Variants in SCRN2 observed in about 807,000 individuals in gnomAD.
SCRN2 encodes secernin 2, also known as secernin-2.
Under a neutral mutation model 40.1 loss-of-function variants are expected in SCRN2, and 30 were observed. That is an observed-to-expected ratio of 0.75 (90% CI 0.56 to 1.01). The LOEUF (loss-of-function observed/expected upper bound fraction) is 1.01. Among genes scored for constraint, SCRN2 ranks in the 50% least tolerant of loss-of-function variants. The probability of loss-of-function intolerance (pLI) is 0.00; values close to 1 mark genes in which losing one functional copy is unlikely to be tolerated. For missense variants in SCRN2, 526 were observed against 564.9 expected (o/e 0.93, Z 0.70); for synonymous variants, 240 against 233.5 (o/e 1.03, Z -0.25).
chr17:47,839,614 TG>T lies in SCRN2; in HGVS notation c.385del (p.Gln129ArgfsTer6). 1 of 1,614,054 alleles carries T rather than the reference TG, an allele frequency of 6.2e-7. No homozygotes were observed. The highest frequency in any genetic ancestry group is 8.5e-7 in the Non-Finnish European group (1 of 1,180,028). ...CCCTGTGATCACATGCAAGGCCTCCTGGGCAGAGCTGCTCCGTTCCAAAGCC... is the reference window on the plus strand; with the variant it reads ...CCCTGTGATCACATGCAAGGCCTCCTGGCAGAGCTGCTCCGTTCCAAAGCC... ...RLALERSSSA[Q>X]EALHVITGLL... is the part of the protein sequence containing the mutation. On this transcript the variant is annotated frameshift_variant, in exon 4 of 8. Transcript: ENST00000290216. LOFTEE classifies it high-confidence loss of function.
intron 2 of SCRN2, 111 bp downstream of exon 2, chr17:47,840,559 T>C: frequency 7.5e-7 from 1 of 1,325,682 alleles, no homozygotes; most frequent in African/African-American, 1.5e-5. Context: ...CTAAAGCTCA[T>C]GCTCTTCCAC....
rs750662245 is a variant in SCRN2, at chr17:47,840,331, A to G, written c.216T>C (p.Ala72=). The change falls in exon 3 of 8, where the codon GCT becomes GCC. Residue 72 remains alanine (A), a synonymous_variant. Transcript: ENST00000290216. The part of the protein sequence containing the change: ...IEVEQVSKTH[A]VILSRPSWLW... ...GCCAAGAAGGACGGCTCAGAATCAC[A>G]GCGTGCGTCTTCGACACCTGTTCCA... The G allele has an allele frequency of 6.2e-7, 1 of 1,614,184 alleles. No homozygotes were observed. The highest frequency in any genetic ancestry group is 2.2e-5 in the East Asian group (1 of 44,896).
intron 1 of SCRN2, 165 bp from the exon 2 acceptor site, chr17:47,841,008 TC>T: frequency 1.8e-6 from 1 of 551,326 alleles, no homozygotes; most frequent in Non-Finnish European, 2.8e-6. Context: ...GCCCACCCTC[TC>T]CCCAGGCTCC....
chr17:47,840,597 G>A, intron 2 of SCRN2, 73 bp downstream of exon 2: 2 of 1,462,758 alleles, frequency 1.4e-6, no homozygotes, highest in Non-Finnish European at 1.8e-6. Flanking sequence ...CAGGTGTGGG[G>A]AGCAGGGAAG....
intron 1 of SCRN2, 111 bp downstream of exon 1, chr17:47,841,097 G>A (rs567179396): frequency 1.0e-5 from 4 of 383,370 alleles, no homozygotes; most frequent in Admixed American, 4.3e-5. Context: ...GCAGTCGTGG[G>A]ACCGTCCCCC....
rs934400867 is a variant in SCRN2 at position 47,837,908 on chromosome 17, G to T, written c.1214C>A (p.Pro405His). The change falls in exon 8 of 8, where the codon CCC (proline) becomes CAC (histidine). Residue 405 changes from proline (P) to histidine (H), a missense_variant. Transcript: ENST00000290216. Reference sequence around the variant, plus strand: ...GAAGAGGCTGCCCAGCTCCCAGAGGGGTGGGGCCCACTCGCCGGCCAGCAG... The same window carrying T: ...GAAGAGGCTGCCCAGCTCCCAGAGGTGTGGGGCCCACTCGCCGGCCAGCAG... ...QGLLAGEWAP[P>H]LWELGSLFQA... 1.2e-6 allele frequency: 2 copies of T among 1,605,036 alleles called. No individual in the cohort carries two copies. The highest frequency in any genetic ancestry group is 2.2e-5 in the East Asian group (1 of 44,800).
chr17:47,838,191 C>T (rs1326979882), intron 7 of SCRN2, 79 bp downstream of exon 7: 7 of 1,557,518 alleles, frequency 4.5e-6, no homozygotes, highest in Admixed American at 2.2e-5. Context: ...TCCCTAGTTC[C>T]TTCATATTTC....
intron 2 of SCRN2, 116 bp downstream of exon 2, chr17:47,840,554 G>T (rs2033800020): frequency 3.8e-6 from 5 of 1,311,380 alleles, no homozygotes; most frequent in Non-Finnish European, 5.2e-6. Context: ...TAGACCTAAA[G>T]CTCATGCTCT....
chr17:47,838,420 C>T lies in SCRN2; in HGVS notation c.969G>A (p.Met323Ile), dbSNP rs376597524. The T allele has an allele frequency of 1.2e-6, 2 of 1,611,996 alleles. No individual in the cohort carries two copies. Among genetic ancestry groups the T allele is most frequent in the East Asian group, 2.2e-5 (1 of 44,872 alleles). ...GCACCTGGGGGGCCTGGGCCACCCCCATCCCGAAGATGAAAGGTTTGAACA... is the reference window on the plus strand; with the variant it reads ...GCACCTGGGGGGCCTGGGCCACCCCTATCCCGAAGATGAAAGGTTTGAACA... ...RSVFKPFIFGMGVAQAPQVLS... is the reference protein window; with the variant it reads ...RSVFKPFIFGIGVAQAPQVLS... The change falls in exon 7 of 8, where the codon ATG becomes ATA. Residue 323 changes from methionine to isoleucine, a missense_variant. By Grantham distance (10) the Met-to-Ile change is conservative. Transcript: ENST00000290216.
At chr17:47,838,757 T>G (rs1276674222) in intron 5 of SCRN2, 34 bp downstream of exon 5, 1 of 1,610,696 alleles carries the variant, frequency 6.2e-7, no homozygotes, top group East Asian at 2.2e-5. Context: ...GCTGTGGCCC[T>G]CCTGGCCCCC....
Position 47,838,255 on chromosome 17 carries a change from C to T in SCRN2, c.1119+15G>A. On this transcript the variant is annotated intron_variant, in intron 7 of 7. Coordinates refer to ENST00000290216, the MANE Select transcript of SCRN2 (RefSeq NM_138355.4). The stretch of plus-strand genomic sequence containing the variant: ...TATCATCCCCTCAAGGTAGCCCCTA[C>T]TCCCTGGGGGATACCTGATCTCTCT... The T allele has an allele frequency of 1.3e-6, 2 of 1,581,840 alleles. No homozygotes were observed. Among genetic ancestry groups the T allele is most frequent in the Non-Finnish European group, 1.7e-6 (2 of 1,168,734 alleles).
In SCRN2 at chr17:47,837,838, T is replaced by C. The variant is rs1387103841; in HGVS notation, c.*6A>G. On this transcript the variant is annotated 3_prime_UTR_variant, in exon 8 of 8. Transcript: ENST00000290216. ...GTCCACCCCAGGCCAGCAGAAGCTA[T>C]GAAGCTTACGCATAAGCCTGGCTCT... 6.3e-7 allele frequency: 1 copy of C among 1,594,230 alleles called. No individual in the cohort carries two copies. The highest frequency in any genetic ancestry group is 1.1e-5 in the South Asian group (1 of 90,344).
chr17:47,840,565 TC>T lies in SCRN2; in HGVS notation c.174+104del, dbSNP rs1378760411. On this transcript the variant is annotated intron_variant, in intron 2 of 7. Coordinates refer to ENST00000290216, the MANE Select transcript of SCRN2 (RefSeq NM_138355.4). The stretch of plus-strand genomic sequence containing the variant: ...TTGGTAGACCTAAAGCTCATGCTCT[TC>T]CACTACTTCTGGCAGCCTCCCAGGT... 2.2e-6 allele frequency: 3 copies of T among 1,343,774 alleles called. No individual in the cohort carries two copies. The African/African-American group carries it at 4.4e-5, about 20-fold the overall frequency. 83.2% of individuals were successfully genotyped at this position (1,343,774 alleles called of 1,614,324 possible).
chr17:47,837,871 C>T lies in SCRN2; in HGVS notation c.1251G>A (p.Val417=), dbSNP rs2033721741. The T allele has an allele frequency of 6.2e-7, 1 of 1,601,918 alleles. No homozygotes were observed. Among genetic ancestry groups the T allele is most frequent in the African/African-American group, 1.3e-5 (1 of 74,962 alleles). The change falls in exon 8 of 8, where the codon GTG becomes GTA. Residue 417 remains valine, a synonymous_variant. Coordinates refer to ENST00000290216, the MANE Select transcript of SCRN2 (RefSeq NM_138355.4). ...WELGSLFQAF[V]KRESQAYA is the part of the protein sequence containing the mutation. The stretch of plus-strand genomic sequence containing the variant: ...ACGCATAAGCCTGGCTCTCCCTCTT[C>T]ACGAAGGCCTGGAAGAGGCTGCCCA...
chr17:47,839,466 G>T lies in SCRN2; in HGVS notation c.534C>A (p.Leu178=). 1 of 1,613,042 alleles carries T rather than the reference G, an allele frequency of 6.2e-7. No individual in the cohort carries two copies. The highest frequency in any genetic ancestry group is 8.5e-7 in the Non-Finnish European group (1 of 1,180,026). Residue 178 remains leucine (L), a synonymous_variant, in exon 4 of 8, where the codon CTC becomes CTA. Transcript: ENST00000290216. ...EAWVLETAGR[L]WAAQRIQEGA... ...CACCCTGGATCCTCTGTGCAGCCCAGAGCCTCCCAGCTGTCTCCAGCACCC... is the reference window on the plus strand; with the variant it reads ...CACCCTGGATCCTCTGTGCAGCCCATAGCCTCCCAGCTGTCTCCAGCACCC...
chr17:47,837,982 C>T lies in SCRN2; in HGVS notation c.1140G>A (p.Gln380=), dbSNP rs1409647982. The T allele has an allele frequency of 7.5e-6, 12 of 1,607,146 alleles. No individual in the cohort carries two copies. The highest frequency in any genetic ancestry group is 1.7e-5 in the Admixed American group (1 of 59,674). The change falls in exon 8 of 8, where the codon CAG becomes CAA. Residue 380 remains glutamine (Q), a synonymous_variant. Transcript: ENST00000290216. ...ERDQDRGQQL[Q]QKQQDLEQEG... The stretch of plus-strand genomic sequence containing the variant: ...CCTGCTCCAGATCCTGCTGTTTCTG[C>T]TGGAGCTGCTGCCCCCGATCCTGCC...
At position 47,838,172 on chromosome 17, in the gene SCRN2, C is replaced by A. The variant is rs1382475443; in HGVS notation, c.1119+98G>T. The A allele has an allele frequency of 2.6e-6, 4 of 1,537,932 alleles. No homozygotes were observed. In the African/African-American group the frequency reaches 4.2e-5, roughly 16 times the overall value. On this transcript the variant is annotated intron_variant, in intron 7 of 7. Coordinates refer to ENST00000290216, the MANE Select transcript of SCRN2 (RefSeq NM_138355.4). ...GAACTCCTCTCCCCAGCTCTGAAAT[C>A]TCTTCCACTCCCTAGTTCCTTCATA...
At chr17:47,838,059 A>AG in intron 7 of SCRN2, 57 bp from the exon 8 acceptor site, 14 of 1,581,688 alleles carry the variant, frequency 8.9e-6, no homozygotes, top group Non-Finnish European at 1.0e-5. Flanking sequence ...CGCCAGGTGA[A>AG]GGGGGGACTG....
At chr17:47,841,124 A>G in intron 1 of SCRN2, 84 bp downstream of exon 1, 1 of 336,516 alleles carries the variant, frequency 3.0e-6, no homozygotes, top group African/African-American at 2.1e-5. Context: ...CCCCACCAAG[A>G]GTCCTGCGGC....
Sources: allele counts gnomAD v4.1 joint callset, GRCh38; gene constraint gnomAD v4.1.1; transcripts MANE v1.5; gene names NCBI Gene and HGNC (gene_info 2026-07-23, HGNC 2026-07-21).